The following XK variants were observed in gnomAD, a reference collection of about 807,000 sequenced individuals.
XK encodes the protein endoplasmic reticulum membrane adapter protein XK.
A neutral mutation model predicts 14.0 loss-of-function variants in XK; 2 were observed. The ratio of observed to expected loss-of-function variants is 0.14; its 90% CI spans 0.06 to 0.45. XK has a LOEUF of 0.45. Among genes scored for constraint, XK ranks in the 20% least tolerant of loss-of-function variants. The pLI, the probability that XK is intolerant of heterozygous loss-of-function variation, is 0.98. For synonymous variants in XK, 149 were observed against 147.5 expected, an observed-to-expected ratio of 1.01 and a Z score of -0.08; for missense variants, 235 against 341.5, an observed-to-expected ratio of 0.69 and a Z score of 2.46.
At chrX:37,699,025 G>C (rs1328678793) in intron 2 of XK, among the ~76,000 whole-genome samples, 1 of 112,644 alleles carries the variant, frequency 8.9e-6, no homozygotes, top group East Asian at 2.8e-4. Context: ...TAAGCAACAA[G>C]TGTCATGATC....
intron 2 of XK, among the ~76,000 whole-genome samples, chrX:37,725,568 C>A (rs782138229): frequency 9.0e-6 from 1 of 110,967 alleles, no homozygotes; most frequent in Non-Finnish European, 1.9e-5. Flanking sequence ...TCTTACCCTG[C>A]GATCCAGCAA....
At chrX:37,691,538 C>T (rs1406856149) in intron 1 of XK, among the ~76,000 whole-genome samples, 5 of 111,716 alleles carry the variant, frequency 4.5e-5, no homozygotes, top group African/African-American at 1.6e-4. Context: ...TTCTCAAATG[C>T]GTATATTCTC....
intron 2 of XK, among the ~76,000 whole-genome samples, chrX:37,705,739 TTTTC>T (rs1172807794): frequency 1.4e-4 from 15 of 109,782 alleles, no homozygotes; most frequent in East Asian, 2.8e-4. Flanking sequence ...TTCTTTTTCT[TTTTC>T]TTTCTTTCTT....
chrX:37,704,496 C>T (rs2146819637), intron 2 of XK, among the ~76,000 whole-genome samples: 1 of 110,922 alleles, frequency 9.0e-6, no homozygotes, highest in African/African-American at 3.3e-5. Flanking sequence ...ACGATTGCAC[C>T]ACTGCACTCT....
chrX:37,688,783 A>G (rs1437634301), intron 1 of XK, among the ~76,000 whole-genome samples: 1 of 111,995 alleles, frequency 8.9e-6, no homozygotes, highest in African/African-American at 3.2e-5. Flanking sequence ...AGCTAATGAC[A>G]TAATATATAT....
chrX:37,716,722 C>A (rs1927772989), intron 2 of XK, among the ~76,000 whole-genome samples: 2 of 111,829 alleles, frequency 1.8e-5, no homozygotes, highest in Admixed American at 1.9e-4. Flanking sequence ...TTGCTGCTAC[C>A]ATTTTGCTGA....
intron 2 of XK, among the ~76,000 whole-genome samples, chrX:37,705,209 G>A (rs1452937582): frequency 9.0e-6 from 1 of 110,591 alleles, no homozygotes; most frequent in Non-Finnish European, 1.9e-5. Context: ...ACTTTGGGGG[G>A]CCAAGGCGGG....
rs187139271 is a variant in XK, at chrX:37,705,631, A to G, written c.508+11083A>G. Among the ~76,000 whole-genome samples the G allele has an allele frequency of 3.7e-3, 417 of 111,575 alleles. 2 individuals are homozygous for G. Among genetic ancestry groups the G allele is most frequent in the African/African-American group, 0.012 (371 of 30,781 alleles). On this transcript the variant is annotated intron_variant, in intron 2 of 2. Coordinates refer to ENST00000378616, the MANE Select transcript of XK (RefSeq NM_021083.4). ...TGGGGGCACTGACAAATCTCTAGGAACTTCTCATACAATCTAGAACTTCTG... is the reference window on the plus strand; with the variant it reads ...TGGGGGCACTGACAAATCTCTAGGAGCTTCTCATACAATCTAGAACTTCTG...
chrX:37,718,841 G>A (rs981223821), intron 2 of XK, among the ~76,000 whole-genome samples: 4 of 111,127 alleles, frequency 3.6e-5, no homozygotes, highest in East Asian at 2.8e-4. Flanking sequence ...CCATTTTAGG[G>A]GTATGTTTGT....
At chrX:37,710,698 T>A (rs1467396888) in intron 2 of XK, among the ~76,000 whole-genome samples, 2 of 112,207 alleles carry the variant, frequency 1.8e-5, no homozygotes, top group East Asian at 5.6e-4. Flanking sequence ...TTTAGAGATA[T>A]CAAAATAAGT....
In XK at chrX:37,730,113, A is replaced by G. The variant is rs1366443305; in HGVS notation, c.*1651A>G. 9.0e-6 allele frequency: 1 copy of G among 111,704 alleles called. No individual in the cohort carries two copies. The highest frequency in any genetic ancestry group is 1.9e-5 in the Non-Finnish European group (1 of 53,101). The allele number at this position is 111,704 out of a possible 1,213,427, so 9.2% of individuals were successfully genotyped here. ...CATTTGAAATGTTTTTGATTTATCAATATTTGTGGTTTAACTTTGTGGGGG... is the reference window on the plus strand; with the variant it reads ...CATTTGAAATGTTTTTGATTTATCAGTATTTGTGGTTTAACTTTGTGGGGG... On this transcript the variant is annotated 3_prime_UTR_variant, in exon 3 of 3. Transcript: ENST00000378616.
Position 37,728,543 on chromosome X carries a change from C to A in XK, c.*81C>A, listed in dbSNP as rs1928025040. 8.8e-6 allele frequency: 9 copies of A among 1,025,654 alleles called. No homozygotes were observed. The highest frequency in any genetic ancestry group is 1.9e-5 in the South Asian group (1 of 51,935). The allele number at this position is 1,025,654 out of a possible 1,213,427, so 84.5% of individuals were successfully genotyped here. On this transcript the variant is annotated 3_prime_UTR_variant, in exon 3 of 3. Transcript: ENST00000378616. Reference sequence around the variant, plus strand: ...ATTCATACAAATAATGAGCCCTACACAGGGAACAAGGCAGGAAGTTAGCTG... The same window carrying A: ...ATTCATACAAATAATGAGCCCTACAAAGGGAACAAGGCAGGAAGTTAGCTG...
chrX:37,687,853 G>T (rs1927114603), intron 1 of XK, among the ~76,000 whole-genome samples: 1 of 109,925 alleles, frequency 9.1e-6, no homozygotes, highest in Admixed American at 9.7e-5. Context: ...CTTGATAGCT[G>T]GGGAAGAGTC....
intron 2 of XK, among the ~76,000 whole-genome samples, chrX:37,714,293 A>G (rs781975198): frequency 9.0e-6 from 1 of 111,545 alleles, no homozygotes; most frequent in South Asian, 3.8e-4. Context: ...CTATTGGTGA[A>G]GTACTCCTTG....
At chrX:37,704,771 G>T (rs1268474317) in intron 2 of XK, among the ~76,000 whole-genome samples, 6 of 111,174 alleles carry the variant, frequency 5.4e-5, no homozygotes, top group African/African-American at 1.3e-4. Flanking sequence ...GGAGGTGGAG[G>T]TGGCAGTGGG....
Position 37,728,364 on chromosome X carries a change from C to G in XK, c.1237C>G (p.Leu413Val), listed in dbSNP as rs1556450551. Residue 413 changes from leucine to valine, a missense_variant, in exon 3 of 3, where the codon CTA becomes GTA. Transcript: ENST00000378616. The part of the protein sequence containing the change: ...KPCEPIGKED[L>V]QSSRDRDETP... Reference sequence around the variant, plus strand: ...CTGTGAGCCGATAGGAAAGGAAGATCTACAGTCATCCAGAGATAGAGATGA... The same window carrying G: ...CTGTGAGCCGATAGGAAAGGAAGATGTACAGTCATCCAGAGATAGAGATGA... 8.3e-7 allele frequency: 1 copy of G among 1,210,543 alleles called. No homozygotes were observed. Among genetic ancestry groups the G allele is most frequent in the Non-Finnish European group, 1.1e-6 (1 of 895,319 alleles).
intron 2 of XK, among the ~76,000 whole-genome samples, chrX:37,725,230 T>C (rs1234639972): frequency 9.0e-6 from 1 of 111,598 alleles, no homozygotes; most frequent in Admixed American, 9.5e-5. Flanking sequence ...TTATGTCAGA[T>C]AAATAAGTTC....
chrX:37,712,082 T>A (rs1927677417), intron 2 of XK, among the ~76,000 whole-genome samples: 1 of 111,569 alleles, frequency 9.0e-6, no homozygotes, highest in Non-Finnish European at 1.9e-5. Flanking sequence ...CTTGGATTCC[T>A]AGGAAAGCAC....
chrX:37,686,744 G>T (rs531977636), intron 1 of XK, among the ~76,000 whole-genome samples: 2 of 111,573 alleles, frequency 1.8e-5, no homozygotes, highest in African/African-American at 6.5e-5. Context: ...TCTTGGTGGC[G>T]TTACGAATAT....
Sources: gnomAD v4.1 joint callset for allele counts (sites outside exome capture counted in the v4.1 genomes callset) on GRCh38, gnomAD v4.1.1 for gene constraint, MANE v1.5 for transcripts, NCBI Gene and HGNC (gene_info 2026-07-23, HGNC 2026-07-21) for gene names.